The following MEGF10 variants were observed in gnomAD, a reference collection of about 807,000 sequenced individuals.
The protein encoded by MEGF10 is multiple EGF like domains 10.
A neutral mutation model predicts 147.5 loss-of-function variants in MEGF10; 86 were observed. The observed-to-expected ratio is 0.58, with a 90% confidence interval of 0.49 to 0.70. MEGF10 has a LOEUF of 0.70. Ranked by LOEUF, MEGF10 falls within the 30% of genes least tolerant of loss-of-function variation. The probability of loss-of-function intolerance (pLI) is 0.00; values close to 1 mark genes in which losing one functional copy is unlikely to be tolerated. For synonymous variants in MEGF10, 478 were observed against 525.5 expected (o/e 0.91, Z 1.24); for missense variants, 1,329 against 1,487.3 (o/e 0.89, Z 1.75).
chr5:127,303,815 T>C (rs1759887110), intron 1 of MEGF10, among the ~76,000 whole-genome samples: 1 of 152,212 alleles, frequency 6.6e-6, no homozygotes, highest in South Asian at 2.1e-4. Flanking sequence ...GTTAACTGAA[T>C]GTATGTCCAT....
the MEGF10 span, among the ~76,000 whole-genome samples, chr5:127,272,497 G>A: frequency 6.6e-6 from 1 of 152,094 alleles, no homozygotes; most frequent in East Asian, 1.9e-4. Flanking sequence ...AAATAGAATT[G>A]AATCTGTAGA....
chr5:127,384,212 GA>G (rs1763350758), intron 5 of MEGF10, among the ~76,000 whole-genome samples: 2 of 152,172 alleles, frequency 1.3e-5, no homozygotes, highest in Non-Finnish European at 2.9e-5. Flanking sequence ...TCTTCCAATA[GA>G]TAAGGAAATC....
intron 17 of MEGF10, 61 bp from the exon 18 acceptor site, chr5:127,440,678 A>C: frequency 6.4e-7 from 1 of 1,559,188 alleles, no homozygotes; most frequent in African/African-American, 1.4e-5. Context: ...TGGAGGCACG[A>C]GCCTCCAAGT....
At chr5:127,254,767 C>T in the MEGF10 span, among the ~76,000 whole-genome samples, 123 of 151,046 alleles carry the variant, frequency 8.1e-4, no homozygotes, top group South Asian at 8.4e-3. Context: ...GCCAAGATCA[C>T]GCCACTGTAC....
At chr5:127,353,852 T>C (rs1051620733) in intron 4 of MEGF10, among the ~76,000 whole-genome samples, 16 of 152,196 alleles carry the variant, frequency 1.1e-4, no homozygotes, top group Non-Finnish European at 2.1e-4. Flanking sequence ...GGGAAGAGGT[T>C]TGGGGACTGG....
At chr5:127,348,002 G>A (rs1761955346) in intron 4 of MEGF10, among the ~76,000 whole-genome samples, 1 of 152,050 alleles carries the variant, frequency 6.6e-6, no homozygotes, top group South Asian at 2.1e-4. Flanking sequence ...TGAAAGTGAT[G>A]GTTCTGGACT....
intron 24 of MEGF10, among the ~76,000 whole-genome samples, chr5:127,456,862 C>T (rs1766378778): frequency 6.6e-6 from 1 of 152,184 alleles, no homozygotes. Flanking sequence ...GATTTATTTC[C>T]AGGATTCTGT....
chr5:127,417,868 A>C (rs887113288), intron 10 of MEGF10, 56 bp downstream of exon 10: 345 of 1,537,920 alleles, frequency 2.2e-4, no homozygotes, highest in Middle Eastern at 4.3e-4. Context: ...GAAGCATCTC[A>C]ATACCATGAT....
chr5:127,362,521 G>A (rs1487998805), intron 4 of MEGF10, among the ~76,000 whole-genome samples: 3 of 151,544 alleles, frequency 2.0e-5, no homozygotes, highest in Non-Finnish European at 4.4e-5. Context: ...CTGCCACCAC[G>A]CCCGGCTAAT....
chr5:127,424,057 G>A (rs1008952274), intron 13 of MEGF10, among the ~76,000 whole-genome samples: 1 of 152,172 alleles, frequency 6.6e-6, no homozygotes, highest in Non-Finnish European at 1.5e-5. Flanking sequence ...CATACAATAT[G>A]AGGTAGGGGT....
chr5:127,392,776 T>G (rs1044740723), intron 5 of MEGF10, among the ~76,000 whole-genome samples: 11 of 152,180 alleles, frequency 7.2e-5, no homozygotes, highest in African/African-American at 1.2e-4. Flanking sequence ...CTCTACTAGT[T>G]TTCACTTACG....
At position 127,460,252 on chromosome 5, in the gene MEGF10, T is replaced by C. The variant is rs1432781276; in HGVS notation, c.*2934T>C. Reference sequence around the variant, plus strand: ...AATTTATAAGTTATTTGTATTTATATATAAGTACATCAGAACTTGCCCACA... The same window carrying C: ...AATTTATAAGTTATTTGTATTTATACATAAGTACATCAGAACTTGCCCACA... On this transcript the variant is annotated 3_prime_UTR_variant, in exon 25 of 25. Transcript: ENST00000503335. 6.6e-6 allele frequency: 1 copy of C among 152,214 alleles called. No homozygotes were observed. The highest frequency in any genetic ancestry group is 1.5e-5 in the Non-Finnish European group (1 of 68,028). The allele number at this position is 152,214 out of a possible 1,614,324, so 9.4% of individuals were successfully genotyped here. A position where few individuals can be genotyped will look rare whatever the true frequency, so the allele number is the denominator to read the frequency against.
rs1324309777 is a variant in MEGF10, at chr5:127,419,221, G to A, written c.1407G>A (p.Gly469=). The change falls in exon 11 of 25, where the codon GGG becomes GGA. Residue 469 remains glycine, a synonymous_variant. Transcript: ENST00000503335. The part of the protein sequence containing the change: ...KNDAVCSPVD[G]SCTCKAGWHG... ...ATGCAGTCTGCTCTCCTGTGGACGG[G>A]TCTTGTACTTGCAAGGCAGGTAAGA... 4 of 1,613,712 alleles carry A rather than the reference G, an allele frequency of 2.5e-6. No homozygotes were observed. The highest frequency in any genetic ancestry group is 3.4e-6 in the Non-Finnish European group (4 of 1,179,906).
intron 5 of MEGF10, among the ~76,000 whole-genome samples, chr5:127,376,680 T>C (rs1026502278): frequency 6.6e-6 from 1 of 152,200 alleles, no homozygotes; most frequent in Admixed American, 6.5e-5. Flanking sequence ...TTCACCTTTA[T>C]TGAACACTTG....
chr5:127,350,392 T>C (rs748382561), intron 4 of MEGF10, among the ~76,000 whole-genome samples: 11 of 152,150 alleles, frequency 7.2e-5, no homozygotes, highest in Non-Finnish European at 1.6e-4. Flanking sequence ...GCTTGTCTGT[T>C]AATGTCTGTT....
the MEGF10 span, chr5:127,229,347 TC>T: frequency 1.3e-5 from 2 of 152,112 alleles, no homozygotes; most frequent in Non-Finnish European, 2.9e-5. Context: ...GCTCCGTGGT[TC>T]CCGCCCGGGC....
rs1250496948 is a variant in MEGF10 at position 127,420,099 on chromosome 5, C to T, written c.1482C>T (p.Gly494=). 2 of 1,614,088 alleles carry T rather than the reference C, an allele frequency of 1.2e-6. No homozygotes were observed. The highest frequency in any genetic ancestry group is 1.7e-6 in the Non-Finnish European group (2 of 1,180,040). ...GTCCCAGTGGCACATGGGGCTTTGG[C>T]TGTAACTTAACATGCCAGTGCCTCA... ...IRCPSGTWGF[G]CNLTCQCLNG... Residue 494 remains glycine, a synonymous_variant, in exon 12 of 25, where the codon GGC becomes GGT. Transcript: ENST00000503335.
chr5:127,394,189 A>G (rs903884920), intron 5 of MEGF10, among the ~76,000 whole-genome samples: 3 of 152,240 alleles, frequency 2.0e-5, no homozygotes, highest in African/African-American at 7.2e-5. Flanking sequence ...GTTGACAGAT[A>G]TTTAATTCAA....
chr5:127,391,133 CACACACACACACACACACACAT>C (rs1763669688), intron 5 of MEGF10, among the ~76,000 whole-genome samples: 1 of 127,120 alleles, frequency 7.9e-6, no homozygotes, highest in African/African-American at 2.7e-5. Context: ...CACACACACA[CACACACACACACACACACACAT>C]ACATGCTTAT....
Sources: gnomAD v4.1 joint callset for allele counts (sites outside exome capture counted in the v4.1 genomes callset) on GRCh38, gnomAD v4.1.1 for gene constraint, MANE v1.5 for transcripts, NCBI Gene and HGNC (gene_info 2026-07-23, HGNC 2026-07-21) for gene names.